Variants in ENTREP1 observed in about 807,000 individuals in gnomAD.
The protein encoded by ENTREP1 is endosomal transmembrane epsin interactor 1.
chr9:69,391,715 G>T, the ENTREP1 span: 2 of 1,613,774 alleles, frequency 1.2e-6, no homozygotes, highest in East Asian at 4.5e-5. Flanking sequence ...CACACCAGCG[G>T]GGAGGCCCCG....
chr9:69,351,418 A>G, the ENTREP1 span, among the ~76,000 whole-genome samples: 4 of 151,778 alleles, frequency 2.6e-5, no homozygotes, highest in Non-Finnish European at 5.9e-5. Flanking sequence ...GATGATGATG[A>G]TTGTGATTAT....
At chr9:69,361,443 C>A in the ENTREP1 span, among the ~76,000 whole-genome samples, 1 of 152,266 alleles carries the variant, frequency 6.6e-6, no homozygotes, top group East Asian at 1.9e-4. Flanking sequence ...GAGATTCATC[C>A]ATGTTTTATA....
chr9:69,391,122 C>A, the ENTREP1 span, among the ~76,000 whole-genome samples: 2 of 152,118 alleles, frequency 1.3e-5, no homozygotes, highest in Admixed American at 1.3e-4. Context: ...TGGTCCCAAT[C>A]CCAGACCAGT....
chr9:69,358,790 T>A, the ENTREP1 span, among the ~76,000 whole-genome samples: 2 of 152,180 alleles, frequency 1.3e-5, no homozygotes, highest in East Asian at 1.9e-4. Context: ...AAAATATATG[T>A]TATTTCTGAT....
At chr9:69,361,573 A>G in the ENTREP1 span, among the ~76,000 whole-genome samples, 1 of 152,166 alleles carries the variant, frequency 6.6e-6, no homozygotes, top group Admixed American at 6.5e-5. Flanking sequence ...TTGGGCCATT[A>G]TGGCATGTGC....
the ENTREP1 span, among the ~76,000 whole-genome samples, chr9:69,346,406 T>C: frequency 7.4e-4 from 112 of 152,314 alleles, no homozygotes; most frequent in Non-Finnish European, 1.4e-3. Context: ...TTTTAAAAAG[T>C]TATTTTTGTT....
the ENTREP1 span, chr9:69,375,868 C>T: frequency 5.0e-6 from 8 of 1,612,136 alleles, no homozygotes; most frequent in South Asian, 6.6e-5. Flanking sequence ...ACTTAAGGTA[C>T]CTCAAACAGA....
chr9:69,389,359 C>T, the ENTREP1 span, among the ~76,000 whole-genome samples: 66,278 of 152,020 alleles, frequency 0.44, 14,962 homozygotes, highest in African/African-American at 0.55. Context: ...TGAGTAAATA[C>T]CCTCTCACTG....
the ENTREP1 span, among the ~76,000 whole-genome samples, chr9:69,333,583 G>T: frequency 2.0e-5 from 3 of 152,162 alleles, no homozygotes; most frequent in Admixed American, 2.0e-4. Context: ...GGGATTACAG[G>T]TGTGAGCCAC....
At chr9:69,340,721 GCATGTGTGTGTGTATGTGTGTGTGTT>G in the ENTREP1 span, among the ~76,000 whole-genome samples, 3 of 73,152 alleles carry the variant, frequency 4.1e-5, no homozygotes, top group African/African-American at 1.0e-4. Context: ...GTGTGTGCAT[GCATGTGTGTGTGTATGTGTGTGTGTT>G]TGTGTGTGTG....
At chr9:69,349,243 T>G in the ENTREP1 span, among the ~76,000 whole-genome samples, 1 of 150,150 alleles carries the variant, frequency 6.7e-6, no homozygotes, top group Non-Finnish European at 1.5e-5. Flanking sequence ...GCTATGAACA[T>G]TAGTGTACAA....
the ENTREP1 span, among the ~76,000 whole-genome samples, chr9:69,350,791 C>T: frequency 1.3e-5 from 2 of 152,154 alleles, no homozygotes; most frequent in African/African-American, 4.8e-5. Flanking sequence ...GAAGTCATTG[C>T]TTGATGCCTT....
the ENTREP1 span, among the ~76,000 whole-genome samples, chr9:69,335,119 T>A: frequency 6.6e-6 from 1 of 152,298 alleles, no homozygotes; most frequent in East Asian, 1.9e-4. Flanking sequence ...TTTTGCAACA[T>A]GAGCTCCTTC....
At chr9:69,376,221 A>T in the ENTREP1 span, among the ~76,000 whole-genome samples, 1 of 152,224 alleles carries the variant, frequency 6.6e-6, no homozygotes, top group African/African-American at 2.4e-5. Flanking sequence ...AGCTTTTAGC[A>T]AAACCTTTAA....
At chr9:69,385,776 T>G in the ENTREP1 span, 4 of 1,361,024 alleles carry the variant, frequency 2.9e-6, no homozygotes, top group Non-Finnish European at 1.9e-6. Flanking sequence ...TTTTTTTTTT[T>G]TTTTTTTTTT....
chr9:69,336,417 T>G, the ENTREP1 span: 1 of 526,712 alleles, frequency 1.9e-6, no homozygotes. Flanking sequence ...CAGATGATCA[T>G]AACCAGTAAG....
chr9:69,344,671 C>T, the ENTREP1 span, among the ~76,000 whole-genome samples: 3 of 152,208 alleles, frequency 2.0e-5, no homozygotes, highest in South Asian at 6.2e-4. Flanking sequence ...GTGACCTCTA[C>T]CCCCTGGAGC....
chr9:69,325,046 G>A, the ENTREP1 span: 6 of 985,396 alleles, frequency 6.1e-6, no homozygotes, highest in Non-Finnish European at 7.2e-6. Context: ...GCGCGAGCAC[G>A]GAGTGCGCGT....
At chr9:69,361,198 T>G in the ENTREP1 span, among the ~76,000 whole-genome samples, 4 of 152,218 alleles carry the variant, frequency 2.6e-5, no homozygotes, top group East Asian at 7.7e-4. Flanking sequence ...TTTTTATACA[T>G]GTATACACAT....
Sources: allele counts gnomAD v4.1 joint callset (sites outside exome capture counted in the v4.1 genomes callset), GRCh38; gene constraint gnomAD v4.1.1; transcripts MANE v1.5; gene names NCBI Gene and HGNC (gene_info 2026-07-23, HGNC 2026-07-21).